SUSD5: variants seen among roughly 807,000 people sequenced by gnomAD.
SUSD5 encodes the protein sushi domain-containing protein 5.
SUSD5 carries 33 observed loss-of-function variants against 29.5 expected under a neutral mutation model. The ratio of observed to expected loss-of-function variants is 1.12; its 90% CI spans 0.85 to 1.49. The LOEUF (loss-of-function observed/expected upper bound fraction) is 1.49, where lower values mean the gene tolerates loss of function less well. SUSD5 is among the 40% of genes most tolerant of loss of function. SUSD5 has a pLI of 0.00. For missense variants in SUSD5, 776 were observed against 800.6 expected (o/e 0.97, Z 0.37); for synonymous variants, 308 against 325.3 (o/e 0.95, Z 0.57).
At chr3:33,170,712 G>C (rs1399468537) in intron 4 of SUSD5, among the ~76,000 whole-genome samples, 2 of 152,228 alleles carry the variant, frequency 1.3e-5, no homozygotes, top group African/African-American at 2.4e-5. Flanking sequence ...GGAAAGGCCA[G>C]CTGCCGGTCT....
At position 33,174,946 on chromosome 3, in the gene SUSD5, A is replaced by T. The variant is rs533895360; in HGVS notation, c.538T>A (p.Phe180Ile). The change falls in exon 4 of 5, where the codon TTC becomes ATC. Residue 180 changes from phenylalanine to isoleucine, a missense_variant. Coordinates refer to ENST00000309558, the MANE Select transcript of SUSD5 (RefSeq NM_015551.2). ...GHIMGHRETA[F>I]TLLCNSCGEW... ...CCACAGCTGTTACATAGCAAGGTGA[A>T]GGCGGTCTCCCGGTGGCCCATGATG... is the stretch of plus-strand genomic sequence containing the variant. The T allele has an allele frequency of 1.2e-5, 19 of 1,614,048 alleles. No homozygotes were observed. The highest frequency in any genetic ancestry group is 1.4e-5 in the Non-Finnish European group (16 of 1,179,896).
At chr3:33,173,799 A>C (rs573436749) in intron 4 of SUSD5, among the ~76,000 whole-genome samples, 1 of 152,306 alleles carries the variant, frequency 6.6e-6, no homozygotes, top group South Asian at 2.1e-4. Flanking sequence ...ACTGTGAGAT[A>C]AGGGAACAAT....
At chr3:33,170,683 A>G (rs979869204) in intron 4 of SUSD5, among the ~76,000 whole-genome samples, 1 of 152,214 alleles carries the variant, frequency 6.6e-6, no homozygotes, top group Admixed American at 6.5e-5. Context: ...TCTGAAAGCC[A>G]CACTGGCCAT....
In SUSD5 at chr3:33,152,459, T is replaced by C. The variant is rs1329508608; in HGVS notation, c.*283A>G. 2 of 385,276 alleles carry C rather than the reference T, an allele frequency of 5.2e-6. No homozygotes were observed. The highest frequency in any genetic ancestry group is 4.2e-5 in the Admixed American group (1 of 23,710). The allele number at this position is 385,276 out of a possible 1,614,324, so 23.9% of individuals were successfully genotyped here. On this transcript the variant is annotated 3_prime_UTR_variant, in exon 5 of 5. Coordinates refer to ENST00000309558, the MANE Select transcript of SUSD5 (RefSeq NM_015551.2). Reference sequence around the variant, plus strand: ...AATACTGTGATGAAGGAAGAGGCGATTTTTGACCTCACACTGGAAACAGGG... The same window carrying C: ...AATACTGTGATGAAGGAAGAGGCGACTTTTGACCTCACACTGGAAACAGGG...
intron 3 of SUSD5, among the ~76,000 whole-genome samples, chr3:33,195,653 T>C (rs2125628064): frequency 6.6e-6 from 1 of 152,252 alleles, no homozygotes; most frequent in South Asian, 2.1e-4. Flanking sequence ...GAATGTTTAA[T>C]TTATAGTACA....
At chr3:33,178,864 A>T (rs1394632620) in intron 3 of SUSD5, among the ~76,000 whole-genome samples, 2 of 152,164 alleles carry the variant, frequency 1.3e-5, no homozygotes, top group African/African-American at 4.8e-5. Context: ...AATTGGCATA[A>T]TTTCTGCCAC....
At chr3:33,176,138 C>A (rs546990455) in intron 3 of SUSD5, among the ~76,000 whole-genome samples, 3 of 152,148 alleles carry the variant, frequency 2.0e-5, no homozygotes, top group Non-Finnish European at 4.4e-5. Context: ...TAGTAACATG[C>A]AATTAAAGCT....
chr3:33,168,393 G>T, intron 4 of SUSD5: 1 of 512,056 alleles, frequency 2.0e-6, no homozygotes, highest in Non-Finnish European at 2.5e-6. Context: ...TCTAAATTCA[G>T]TTTCAGTCTC....
intron 4 of SUSD5, among the ~76,000 whole-genome samples, chr3:33,173,120 T>G (rs2125620062): frequency 6.6e-6 from 1 of 152,296 alleles, no homozygotes; most frequent in South Asian, 2.1e-4. Context: ...ACAAAGAAAT[T>G]CTAATGCCCT....
chr3:33,218,645 C>T, intron 1 of SUSD5, 41 bp downstream of exon 1: 1 of 1,261,628 alleles, frequency 7.9e-7, no homozygotes, highest in Non-Finnish European at 1.0e-6. Flanking sequence ...TGCCCGGACC[C>T]CACGCTCCAC....
chr3:33,173,223 C>T (rs965927183), intron 4 of SUSD5, among the ~76,000 whole-genome samples: 2 of 152,186 alleles, frequency 1.3e-5, no homozygotes, highest in African/African-American at 4.8e-5. Flanking sequence ...GACTGGCAGT[C>T]CTAAAGCTGA....
At chr3:33,206,412 AGT>A (rs5847777) in intron 3 of SUSD5, among the ~76,000 whole-genome samples, 14,472 of 148,482 alleles carry the variant, frequency 0.097, 757 homozygotes, top group South Asian at 0.12. Context: ...AATTTACTTG[AGT>A]GTGTGTGTGT....
At chr3:33,217,652 G>GT (rs1171080436) in intron 1 of SUSD5, among the ~76,000 whole-genome samples, 2 of 151,014 alleles carry the variant, frequency 1.3e-5, no homozygotes, top group African/African-American at 2.4e-5. Flanking sequence ...GACCTAGACG[G>GT]TTTTTTCCTT....
At chr3:33,214,649 A>G (rs904415120) in intron 1 of SUSD5, among the ~76,000 whole-genome samples, 3 of 152,120 alleles carry the variant, frequency 2.0e-5, no homozygotes, top group African/African-American at 7.2e-5. Context: ...AACAGGGATG[A>G]TGTCTGGTAC....
At chr3:33,208,073 C>G (rs1471296491) in intron 2 of SUSD5, 147 bp from the exon 3 acceptor site, 1 of 600,962 alleles carries the variant, frequency 1.7e-6, no homozygotes, top group Non-Finnish European at 2.8e-6. Flanking sequence ...GACACATTCT[C>G]TGCAAAAAAA....
rs562148628 is a variant in SUSD5, at chr3:33,196,205, T to C, written c.409+11603A>G. Among the ~76,000 whole-genome samples, 9 of 152,312 alleles carry C rather than the reference T, an allele frequency of 5.9e-5. No homozygotes were observed. The East Asian group carries it at 7.7e-4, about 13-fold the overall frequency. ...CAACCACACCATGGCTAAATTGGAA[T>C]TGAATGCCACCTTGGGCCATGAAAA... On this transcript the variant is annotated intron_variant, in intron 3 of 4. Coordinates refer to ENST00000309558, the MANE Select transcript of SUSD5 (RefSeq NM_015551.2).
intron 1 of SUSD5, among the ~76,000 whole-genome samples, chr3:33,214,452 T>G (rs1034982826): frequency 6.6e-6 from 1 of 151,964 alleles, no homozygotes; most frequent in Non-Finnish European, 1.5e-5. Context: ...CTGAGTTAGG[T>G]CACTTGATGA....
At chr3:33,193,850 C>G (rs1271340360) in intron 3 of SUSD5, among the ~76,000 whole-genome samples, 1 of 152,058 alleles carries the variant, frequency 6.6e-6, no homozygotes, top group Admixed American at 6.5e-5. Flanking sequence ...AACATTGAAA[C>G]AAAAACGATA....
chr3:33,182,171 T>C (rs2031686558), intron 3 of SUSD5, among the ~76,000 whole-genome samples: 1 of 152,254 alleles, frequency 6.6e-6, no homozygotes, highest in South Asian at 2.1e-4. Context: ...TCTTGAGATA[T>C]CTTCTTTGAC....
Sources: gnomAD v4.1 joint callset for allele counts (sites outside exome capture counted in the v4.1 genomes callset) on GRCh38, gnomAD v4.1.1 for gene constraint, MANE v1.5 for transcripts, NCBI Gene and HGNC (gene_info 2026-07-23, HGNC 2026-07-21) for gene names.